SAMD12: variants seen among roughly 807,000 people sequenced by gnomAD.
SAMD12 encodes sterile alpha motif domain-containing protein 12.
A neutral mutation model predicts 15.0 loss-of-function variants in SAMD12; 9 were observed. The observed-to-expected ratio is 0.60, with a 90% confidence interval of 0.36 to 1.05. The LOEUF is 1.05. SAMD12 is among the 50% of genes least tolerant of loss of function. The probability of loss-of-function intolerance (pLI) is 0.01; values close to 1 mark genes in which losing one functional copy is unlikely to be tolerated. For synonymous variants in SAMD12, 86 were observed against 90.1 expected (o/e 0.96, Z 0.25); for missense variants, 230 against 234.2 (o/e 0.98, Z 0.12).
chr8:118,227,168 T>C (rs1006819510), intron 4 of SAMD12, among the ~76,000 whole-genome samples: 2 of 152,148 alleles, frequency 1.3e-5, no homozygotes, highest in Non-Finnish European at 2.9e-5. Context: ...ATACACACCA[T>C]GAAATACTGT....
At chr8:118,291,970 A>G (rs1814394446) in intron 4 of SAMD12, among the ~76,000 whole-genome samples, 1 of 151,178 alleles carries the variant, frequency 6.6e-6, no homozygotes, top group Non-Finnish European at 1.5e-5. Context: ...TTCTTTTCTT[A>G]TCTGTGCTTC....
At chr8:118,154,354 A>C in the SAMD12 span, among the ~76,000 whole-genome samples, 1 of 152,162 alleles carries the variant, frequency 6.6e-6, no homozygotes, top group South Asian at 2.1e-4. Context: ...TTCGCTATGC[A>C]TGGGATGCCC....
intron 1 of SAMD12, among the ~76,000 whole-genome samples, chr8:118,585,192 G>C (rs1263375957): frequency 1.3e-5 from 2 of 152,156 alleles, no homozygotes; most frequent in East Asian, 3.8e-4. Context: ...AAATATGCCA[G>C]ACAAAAATGG....
chr8:118,425,046 C>T (rs1822183349), intron 3 of SAMD12, among the ~76,000 whole-genome samples: 1 of 151,130 alleles, frequency 6.6e-6, no homozygotes, highest in South Asian at 2.1e-4. Flanking sequence ...TCACGCTATT[C>T]TCCTGCCTCA....
intron 2 of SAMD12, 71 bp downstream of exon 2, chr8:118,580,644 T>C (rs1189622951): frequency 9.1e-7 from 1 of 1,097,556 alleles, no homozygotes; most frequent in African/African-American, 1.6e-5. Flanking sequence ...TCAGCTCTTC[T>C]CTGTAGCTGG....
chr8:118,475,538 GGCATAGTAT>G (rs776095808), intron 2 of SAMD12, among the ~76,000 whole-genome samples: 13 of 152,150 alleles, frequency 8.5e-5, no homozygotes, highest in African/African-American at 3.1e-4. Context: ...TTGACCCTGA[GGCATAGTAT>G]GCTTAAGAAG....
At chr8:118,374,195 T>C (rs895703640), downstream of SAMD12, among the ~76,000 whole-genome samples, 7 of 152,138 alleles carry the variant, frequency 4.6e-5, no homozygotes, top group Non-Finnish European at 5.9e-5. Context: ...GTTTCTATGA[T>C]TTTGACTATT....
chr8:118,151,337 A>C, the SAMD12 span, among the ~76,000 whole-genome samples: 1 of 152,090 alleles, frequency 6.6e-6, no homozygotes, highest in African/African-American at 2.4e-5. Flanking sequence ...AGTTTGGAAA[A>C]TATTTAGCCA....
At chr8:118,612,963 C>T (rs1828143339) in intron 1 of SAMD12, among the ~76,000 whole-genome samples, 1 of 152,170 alleles carries the variant, frequency 6.6e-6, no homozygotes, top group Admixed American at 6.5e-5. Context: ...AATGGCAACA[C>T]AGTGTATGAT....
At chr8:118,361,258 A>G (rs147389023) in intron 4 of SAMD12, among the ~76,000 whole-genome samples, 246 of 152,284 alleles carry the variant, frequency 1.6e-3, no homozygotes, top group African/African-American at 5.8e-3. Context: ...AGATTAATTA[A>G]TTCACTAATT....
chr8:118,344,186 A>C (rs1393581994), intron 4 of SAMD12, among the ~76,000 whole-genome samples: 3 of 152,142 alleles, frequency 2.0e-5, no homozygotes, highest in African/African-American at 7.2e-5. Context: ...TCACTGTTGC[A>C]TTCTGTTTTA....
chr8:118,431,139 AT>A (rs1822392828), intron 3 of SAMD12, among the ~76,000 whole-genome samples: 7 of 152,118 alleles, frequency 4.6e-5, no homozygotes, highest in Admixed American at 4.6e-4. Flanking sequence ...CTTCACATGT[AT>A]TGCAGGTACC....
chr8:118,222,582 T>G (rs768330708), intron 4 of SAMD12, among the ~76,000 whole-genome samples: 1 of 152,188 alleles, frequency 6.6e-6, no homozygotes, highest in Non-Finnish European at 1.5e-5. Flanking sequence ...CTCAGCTCAC[T>G]GTAACCTCCA....
the SAMD12 span, among the ~76,000 whole-genome samples, chr8:118,132,142 C>T: frequency 2.0e-5 from 3 of 152,176 alleles, no homozygotes; most frequent in Non-Finnish European, 2.9e-5. Context: ...TCTCTCTCTA[C>T]AATATATTTC....
At chr8:118,281,681 AGTT>A in intron 4 of SAMD12, among the ~76,000 whole-genome samples, 1 of 152,284 alleles carries the variant, frequency 6.6e-6, no homozygotes, top group African/African-American at 2.4e-5. Context: ...CATGGGGAAT[AGTT>A]CTAAACCAGG....
intron 3 of SAMD12, among the ~76,000 whole-genome samples, chr8:118,405,183 T>C (rs1444474323): frequency 3.9e-5 from 6 of 152,160 alleles, no homozygotes; most frequent in South Asian, 2.1e-4. Context: ...TTTGAAAACT[T>C]TGGAGTATCT....
At chr8:118,260,791 G>A (rs570941223) in intron 4 of SAMD12, among the ~76,000 whole-genome samples, 5 of 152,170 alleles carry the variant, frequency 3.3e-5, no homozygotes, top group South Asian at 2.1e-4. Context: ...TCTCCAGGTC[G>A]AAGGACACAC....
intron 2 of SAMD12, among the ~76,000 whole-genome samples, chr8:118,517,390 A>G (rs962006202): frequency 2.6e-5 from 4 of 152,214 alleles, no homozygotes; most frequent in African/African-American, 7.2e-5. Context: ...AAATGGGGAT[A>G]GTAAAAGTAC....
In SAMD12 at chr8:118,358,584, G is replaced by T. The variant is rs187863291; in HGVS notation, c.433+20976C>A. ...TAGCCATTACTTTAAAAGCAAATTT[G>T]AGTCTCTATAAGCCTTGAATTTTAA... On this transcript the variant is annotated intron_variant, in intron 4 of 4. Coordinates refer to the SAMD12 transcript ENST00000409003. 2.6e-5 allele frequency among the ~76,000 whole-genome samples: 4 copies of T among 152,200 alleles called. No homozygotes were observed. The East Asian group carries it at 5.8e-4, about 22-fold the overall frequency.
Sources: gnomAD v4.1 joint callset for allele counts (sites outside exome capture counted in the v4.1 genomes callset) on GRCh38, gnomAD v4.1.1 for gene constraint, MANE v1.5 for transcripts, NCBI Gene and HGNC (gene_info 2026-07-23, HGNC 2026-07-21) for gene names.